The following SCP2 variants were observed in gnomAD, a reference collection of about 807,000 sequenced individuals.
SCP2 encodes the protein SCP-2/3-oxoacyl-CoA thiolase.
In SCP2, 48 loss-of-function variants were observed where a neutral mutation model predicts 71.4. The ratio of observed to expected loss-of-function variants is 0.67; its 90% confidence interval spans 0.53 to 0.86. The LOEUF (loss-of-function observed/expected upper bound fraction) is 0.86. Ranked by LOEUF, SCP2 falls within the 40% of genes least tolerant of loss-of-function variation. The probability of loss-of-function intolerance (pLI) is 0.00; values close to 1 mark genes in which losing one functional copy is unlikely to be tolerated. For synonymous variants in SCP2, 220 were observed against 218.1 expected (o/e 1.01, Z -0.08); for missense variants, 560 against 655.6 (o/e 0.85, Z 1.59).
Position 53,038,995 on chromosome 1 carries a change from A to T in SCP2, c.1417A>T (p.Thr473Ser). Residue 473 changes from threonine (T) to serine (S), a missense_variant, in exon 14 of 16, where the codon ACC (threonine) becomes TCC (serine). Thr to Ser is a moderately conservative substitution (Grantham distance 58). This residue lies in a region of SCP2 where 513 missense variants were observed against 573.1 expected (regional missense o/e 0.90). Transcript: ENST00000371514. ...VKDGPGGKEA[T>S]WVVDVKNGKG... ...AGATGGCCCTGGGGGTAAAGAGGCC[A>T]CCTGGGTGGTGGATGTGAAGAATGG... is the stretch of plus-strand genomic sequence containing the variant. 6.2e-7 allele frequency: 1 copy of T among 1,614,180 alleles called. No homozygotes were observed. Among genetic ancestry groups the T allele is most frequent in the Non-Finnish European group, 8.5e-7 (1 of 1,180,022 alleles).
At chr1:52,955,331 T>C (rs889356854) in intron 5 of SCP2, among the ~76,000 whole-genome samples, 11 of 152,198 alleles carry the variant, frequency 7.2e-5, no homozygotes, top group Admixed American at 3.9e-4. Context: ...GCCACAATTT[T>C]AACAGCCCCC....
At chr1:52,993,388 T>C in intron 11 of SCP2, 1 of 1,614,218 alleles carries the variant, frequency 6.2e-7, no homozygotes, top group East Asian at 2.2e-5. Flanking sequence ...ACTGCCGTCC[T>C]TCTTCCTGTG....
intron 13 of SCP2, among the ~76,000 whole-genome samples, chr1:53,037,890 A>ACACACACACG (rs1557627490): frequency 6.4e-5 from 6 of 93,624 alleles, no homozygotes; most frequent in Non-Finnish European, 8.9e-5. Context: ...ACACACACAC[A>ACACACACACG]CACACACACA....
intron 13 of SCP2, among the ~76,000 whole-genome samples, chr1:53,031,580 CCTA>C (rs1423860298): frequency 6.6e-6 from 1 of 152,148 alleles, no homozygotes. Context: ...TAACCTTTTG[CCTA>C]CTCAGAAAGA....
intron 2 of SCP2, chr1:52,944,033 A>G (rs753192593): frequency 2.1e-5 from 4 of 194,206 alleles, no homozygotes; most frequent in Non-Finnish European, 4.5e-5. Context: ...GAACACCTAA[A>G]TAAATGTTTT....
At chr1:52,969,224 A>G (rs551592452) in intron 6 of SCP2, among the ~76,000 whole-genome samples, 2 of 152,090 alleles carry the variant, frequency 1.3e-5, no homozygotes, top group Non-Finnish European at 2.9e-5. Context: ...TCAAGAGTCA[A>G]ATATAATCAA....
At chr1:52,974,864 A>T (rs1289450075) in intron 7 of SCP2, 32 bp downstream of exon 7, 1 of 1,059,838 alleles carries the variant, frequency 9.4e-7, no homozygotes, top group Admixed American at 1.7e-5. Context: ...AATAATGAAA[A>T]TCTGGGTTAT....
intron 11 of SCP2, chr1:52,995,726 C>A: frequency 2.6e-6 from 2 of 767,282 alleles, no homozygotes; most frequent in Admixed American, 3.5e-5. Context: ...GGAGTGGATC[C>A]CCAACAACAT....
At chr1:52,995,254 G>A (rs1453901635) in intron 11 of SCP2, 8 of 494,726 alleles carry the variant, frequency 1.6e-5, no homozygotes, top group Admixed American at 4.5e-5. Context: ...CACCGTGGTC[G>A]AGCCCTACAA....
chr1:52,974,708 G>T, intron 6 of SCP2, 61 bp from the exon 7 acceptor site: 1 of 847,512 alleles, frequency 1.2e-6, no homozygotes, highest in Non-Finnish European at 2.1e-6. Context: ...ACCATTGCAA[G>T]ATTTGTTAAT....
intron 2 of SCP2, among the ~76,000 whole-genome samples, chr1:52,945,856 CTGTT>C (rs1654737984): frequency 6.6e-6 from 1 of 151,376 alleles, no homozygotes; most frequent in Non-Finnish European, 1.5e-5. Context: ...GTTCTAATCT[CTGTT>C]TATTTTTGAG....
intron 1 of SCP2, among the ~76,000 whole-genome samples, chr1:52,936,833 G>A (rs1653785615): frequency 6.6e-6 from 1 of 152,074 alleles, no homozygotes; most frequent in Admixed American, 6.6e-5. Context: ...TTGCTACAGA[G>A]TACATGGAGG....
In SCP2 at chr1:52,961,560, G is replaced by A. The variant is rs377683847; in HGVS notation, c.454G>A (p.Gly152Arg). The A allele has an allele frequency of 1.6e-5, 26 of 1,613,564 alleles. No homozygotes were observed. Among genetic ancestry groups the A allele is most frequent in the African/African-American group, 1.1e-4 (8 of 74,898 alleles). The change falls in exon 6 of 16, where the codon GGA (glycine) becomes AGA (arginine). Residue 152 changes from glycine (G) to arginine (R), a missense_variant. By Grantham distance (125) the Gly-to-Arg change is moderately radical. This residue lies in a region of SCP2 where 513 missense variants were observed against 573.1 expected (regional missense o/e 0.90). Transcript: ENST00000371514. ...KHVDLLINKYGLSAHPVAPQM... is the reference protein window; with the variant it reads ...KHVDLLINKYRLSAHPVAPQM... The stretch of plus-strand genomic sequence containing the variant: ...TGTTGACCTCCTGATCAATAAGTAT[G>A]GATTGTCTGCTCACCCAGTTGCTCC...
chr1:52,992,285 CAT>C (rs545151231), intron 11 of SCP2, among the ~76,000 whole-genome samples: 20 of 151,942 alleles, frequency 1.3e-4, no homozygotes, highest in Admixed American at 7.9e-4. Flanking sequence ...TGCTTACAAA[CAT>C]ATAAAAATAT....
intron 5 of SCP2, among the ~76,000 whole-genome samples, chr1:52,955,144 T>G (rs969360302): frequency 6.6e-6 from 1 of 152,234 alleles, no homozygotes; most frequent in Non-Finnish European, 1.5e-5. Flanking sequence ...CCAAGTTTTT[T>G]GAGCCAGTTC....
chr1:52,995,365 A>T (rs1659855852), intron 11 of SCP2: 1 of 469,978 alleles, frequency 2.1e-6, no homozygotes. Flanking sequence ...TTTGAAGCTG[A>T]CCACACCAAA....
intron 1 of SCP2, among the ~76,000 whole-genome samples, chr1:52,931,328 T>G (rs997757626): frequency 3.9e-5 from 6 of 152,108 alleles, no homozygotes; most frequent in African/African-American, 1.4e-4. Context: ...AGGTGCCAGG[T>G]AGGGTGGGAA....
intron 13 of SCP2, among the ~76,000 whole-genome samples, chr1:53,033,602 T>C (rs1392054107): frequency 6.4e-5 from 7 of 109,748 alleles, no homozygotes; most frequent in Non-Finnish European, 1.2e-4. Flanking sequence ...AAAACTCCAT[T>C]TCAAAAAAAA....
intron 14 of SCP2, among the ~76,000 whole-genome samples, chr1:53,043,697 A>G (rs540364447): frequency 3.3e-5 from 5 of 152,358 alleles, no homozygotes; most frequent in African/African-American, 1.2e-4. Flanking sequence ...TGCTGATATT[A>G]TAGCAGCAGC....
Sources: gnomAD v4.1 joint callset for allele counts (sites outside exome capture counted in the v4.1 genomes callset) on GRCh38, gnomAD v4.1.1 for gene constraint, gnomAD v4.1.1 regional missense constraint, MANE v1.5 for transcripts, NCBI Gene and HGNC (gene_info 2026-07-23, HGNC 2026-07-21) for gene names.